GAB1: variants seen among roughly 807,000 people sequenced by gnomAD.
GAB1 encodes the protein GRB2-associated-binding protein 1.
A neutral mutation model predicts 66.5 loss-of-function variants in GAB1; 19 were observed. The observed-to-expected ratio is 0.29, with a 90% CI of 0.20 to 0.42. GAB1 has a LOEUF of 0.42. GAB1 is among the 10% of genes least tolerant of loss of function. The pLI, the probability that GAB1 is intolerant of heterozygous loss-of-function variation, is 1.00. For missense variants in GAB1, 732 were observed against 858.5 expected (o/e 0.85, Z 1.84); for synonymous variants, 294 against 301.4 (o/e 0.98, Z 0.25).
intron 1 of GAB1, among the ~76,000 whole-genome samples, chr4:143,390,028 G>A (rs559311418): frequency 2.0e-4 from 31 of 152,110 alleles, no homozygotes; most frequent in Non-Finnish European, 8.8e-5. Flanking sequence ...TGTTTCACAG[G>A]CTCTTTCATA....
At position 143,387,162 on chromosome 4, in the gene GAB1, G is replaced by A. The variant is rs28924968; in HGVS notation, c.73-28315G>A. ...GTTTGTTTGTTTGAGACAGAGTTTC[G>A]CTCTTTTTGCCCAGACTGGAATGCA... On this transcript the variant is annotated intron_variant, in intron 1 of 9. Transcript: ENST00000262994. Among the ~76,000 whole-genome samples the A allele has an allele frequency of 2.2e-4, 34 of 152,134 alleles. No individual in the cohort carries two copies. The East Asian group carries it at 5.0e-3, about 22-fold the overall frequency.
rs1210555499 is a variant in GAB1 at position 143,373,874 on chromosome 4, T to A, written c.72+36614T>A. ...CTCTCTCTGTAAATAAATAAATATATATATATATATATTTTTACCTTTCTA... is the reference window on the plus strand; with the variant it reads ...CTCTCTCTGTAAATAAATAAATATAAATATATATATATTTTTACCTTTCTA... On this transcript the variant is annotated intron_variant, in intron 1 of 9. Transcript: ENST00000262994. Among the ~76,000 whole-genome samples, 398 of 131,538 alleles carry A rather than the reference T, an allele frequency of 3.0e-3. 28 individuals are homozygous for A. Among genetic ancestry groups the A allele is most frequent in the African/African-American group, 0.012 (369 of 32,004 alleles). The allele number at this position is 131,538 out of a possible 152,430, so 86.3% of individuals were successfully genotyped here.
intron 1 of GAB1, among the ~76,000 whole-genome samples, chr4:143,377,947 T>C (rs1730484552): frequency 6.6e-6 from 1 of 152,220 alleles, no homozygotes; most frequent in African/African-American, 2.4e-5. Flanking sequence ...TGAATGTAGC[T>C]TGGAACAGAA....
intron 1 of GAB1, among the ~76,000 whole-genome samples, chr4:143,372,647 A>G (rs939952587): frequency 9.2e-5 from 14 of 152,208 alleles, no homozygotes; most frequent in African/African-American, 2.9e-4. Flanking sequence ...TCAAATGGCC[A>G]TGTTAGAGAG....
intron 1 of GAB1, among the ~76,000 whole-genome samples, chr4:143,368,535 A>G (rs1436746758): frequency 6.6e-6 from 1 of 152,214 alleles, no homozygotes; most frequent in African/African-American, 2.4e-5. Context: ...TTTTATAAAT[A>G]TATGCAATTT....
chr4:143,416,014 C>G (rs1732661762), intron 2 of GAB1, among the ~76,000 whole-genome samples: 1 of 152,074 alleles, frequency 6.6e-6, no homozygotes, highest in African/African-American at 2.4e-5. Flanking sequence ...TAAAAGGTGA[C>G]AAGAAGACAT....
intron 1 of GAB1, among the ~76,000 whole-genome samples, chr4:143,343,021 G>A (rs1394298237): frequency 6.6e-6 from 1 of 152,156 alleles, no homozygotes; most frequent in Non-Finnish European, 1.5e-5. Context: ...GATGCTTTTA[G>A]TGGGGATGTT....
chr4:143,466,568 C>T (rs1735803673), intron 9 of GAB1, among the ~76,000 whole-genome samples: 1 of 139,382 alleles, frequency 7.2e-6, no homozygotes, highest in South Asian at 2.3e-4. Context: ...TGGCTCACTG[C>T]AACCTCCGCT....
At chr4:143,453,716 T>G (rs1735037311) in intron 6 of GAB1, among the ~76,000 whole-genome samples, 1 of 152,116 alleles carries the variant, frequency 6.6e-6, no homozygotes, top group Non-Finnish European at 1.5e-5. Context: ...GATTGTAGGT[T>G]TGAAATAAGG....
At chr4:143,420,676 T>C (rs543626947) in intron 2 of GAB1, among the ~76,000 whole-genome samples, 1 of 152,072 alleles carries the variant, frequency 6.6e-6, no homozygotes, top group South Asian at 2.1e-4. Flanking sequence ...CTCACTAACT[T>C]CATATAAAGG....
intron 1 of GAB1, among the ~76,000 whole-genome samples, chr4:143,354,398 G>A (rs192891562): frequency 4.6e-5 from 7 of 152,046 alleles, no homozygotes; most frequent in African/African-American, 1.7e-4. Flanking sequence ...AAGTGTAAAT[G>A]CTCTTAGAGA....
At chr4:143,434,680 A>G (rs1048058196) in intron 3 of GAB1, among the ~76,000 whole-genome samples, 10 of 152,058 alleles carry the variant, frequency 6.6e-5, no homozygotes, top group African/African-American at 2.2e-4. Flanking sequence ...TTTAAGTAGA[A>G]GTATATGGAG....
At chr4:143,349,006 G>T (rs1204872642) in intron 1 of GAB1, among the ~76,000 whole-genome samples, 1 of 152,140 alleles carries the variant, frequency 6.6e-6, no homozygotes, top group East Asian at 1.9e-4. Context: ...ACTGTGCTGG[G>T]AGCATCTGTT....
At position 143,438,398 on chromosome 4, in the gene GAB1, A is replaced by C. The variant is rs767659423; in HGVS notation, c.993A>C (p.Thr331=). The change falls in exon 4 of 10, where the codon ACA becomes ACC. Residue 331 remains threonine (T), a synonymous_variant. Transcript: ENST00000262994. The stretch of plus-strand genomic sequence containing the variant: ...TTCCAGAAGGAACCTTGGGACAGAC[A>C]TCAAAGCTAGACACTATTCCAGATA... ...RTFPEGTLGQ[T]SKLDTIPDIP... is the part of the protein sequence containing the mutation. 2.5e-6 allele frequency: 4 copies of C among 1,614,072 alleles called. No homozygotes were observed. The highest frequency in any genetic ancestry group is 3.4e-6 in the Non-Finnish European group (4 of 1,179,986).
At chr4:143,457,173 T>C (rs1370922136) in intron 6 of GAB1, among the ~76,000 whole-genome samples, 2 of 152,194 alleles carry the variant, frequency 1.3e-5, no homozygotes, top group African/African-American at 4.8e-5. Flanking sequence ...CAGGAATAGA[T>C]TAAGGTTTTA....
rs1352314163 is a variant in GAB1, at chr4:143,438,101, G to A, written c.696G>A (p.Met232Ile). Residue 232 changes from methionine (M) to isoleucine (I), a missense_variant, in exon 4 of 10, where the codon ATG becomes ATA. Met to Ile is a conservative substitution (Grantham distance 10). This residue lies in a region of GAB1 where 427 missense variants were observed against 420.6 expected (regional missense o/e 1.02). Transcript: ENST00000262994. Reference protein sequence around the residue: ...NPASSQSKHGMNGFFQQQMIY... With the variant: ...NPASSQSKHGINGFFQQQMIY... ...CTTCCTCCCAGAGCAAACATGGAAT[G>A]AATGGCTTTTTTCAGCAGCAAATGA... The A allele has an allele frequency of 2.5e-6, 4 of 1,613,898 alleles. No homozygotes were observed. The African/African-American group carries it at 5.3e-5, about 22-fold the overall frequency.
chr4:143,422,564 G>C (rs1442548882), intron 2 of GAB1, among the ~76,000 whole-genome samples: 1 of 152,102 alleles, frequency 6.6e-6, no homozygotes, highest in Admixed American at 6.5e-5. Flanking sequence ...TACCATTTGG[G>C]GTTTCTTTAA....
intron 1 of GAB1, among the ~76,000 whole-genome samples, chr4:143,350,279 G>T (rs1346372940): frequency 6.6e-6 from 1 of 152,232 alleles, no homozygotes; most frequent in Non-Finnish European, 1.5e-5. Flanking sequence ...AAAGTTGACA[G>T]CATATGTCAA....
chr4:143,393,898 T>G (rs1731308012), intron 1 of GAB1, among the ~76,000 whole-genome samples: 1 of 152,118 alleles, frequency 6.6e-6, no homozygotes, highest in South Asian at 2.1e-4. Flanking sequence ...TTTTACATAC[T>G]TAGGACAAGC....
Sources: allele counts gnomAD v4.1 joint callset (sites outside exome capture counted in the v4.1 genomes callset), GRCh38; gene constraint gnomAD v4.1.1; regional missense constraint gnomAD v4.1.1; transcripts MANE v1.5; gene names NCBI Gene and HGNC (gene_info 2026-07-23, HGNC 2026-07-21).